SLC30A8: variants seen among roughly 807,000 people sequenced by gnomAD.
The protein encoded by SLC30A8 is proton-coupled zinc antiporter SLC30A8.
Under a neutral mutation model 36.9 loss-of-function variants are expected in SLC30A8, and 27 were observed. The ratio of observed to expected loss-of-function variants is 0.73; its 90% CI spans 0.54 to 1.01. SLC30A8 has a LOEUF of 1.01. Among genes scored for constraint, SLC30A8 ranks in the 50% least tolerant of loss-of-function variants. SLC30A8 has a pLI of 0.00. For synonymous variants in SLC30A8, 164 were observed against 172.4 expected, an observed-to-expected ratio of 0.95 and a Z score of 0.38; for missense variants, 439 against 452.0, an observed-to-expected ratio of 0.97 and a Z score of 0.26.
intron 2 of SLC30A8, among the ~76,000 whole-genome samples, chr8:117,111,925 GA>G: frequency 6.6e-6 from 1 of 152,094 alleles, no homozygotes; most frequent in Middle Eastern, 3.4e-3. Context: ...TTAATATCTG[GA>G]AATGTCTAGA....
At chr8:117,050,014 A>G (rs919135322) in intron 2 of SLC30A8, among the ~76,000 whole-genome samples, 6 of 152,144 alleles carry the variant, frequency 3.9e-5, no homozygotes, top group Non-Finnish European at 5.9e-5. Context: ...GTATTTCTGT[A>G]CTGAAAAAGA....
At chr8:117,159,348 G>T (rs1302466713) in intron 4 of SLC30A8, among the ~76,000 whole-genome samples, 6 of 152,172 alleles carry the variant, frequency 3.9e-5, no homozygotes, top group African/African-American at 1.2e-4. Context: ...ATCGAAAAAT[G>T]AAGTTTTAAA....
intron 2 of SLC30A8, among the ~76,000 whole-genome samples, chr8:117,058,526 C>T (rs1470458187): frequency 6.6e-6 from 1 of 152,130 alleles, no homozygotes; most frequent in African/African-American, 2.4e-5. Context: ...CCAAAAACTT[C>T]ACCTTCTAAT....
At chr8:117,051,110 G>T (rs1421753649) in intron 2 of SLC30A8, among the ~76,000 whole-genome samples, 1 of 152,166 alleles carries the variant, frequency 6.6e-6, no homozygotes, top group African/African-American at 2.4e-5. Context: ...GAGACAGAAA[G>T]AGAAAAAGTG....
chr8:117,161,821 T>A lies in SLC30A8; in HGVS notation c.656T>A (p.Val219Glu), dbSNP rs771330275. ...QANASVRAAF[V>E]HALGDLFQSI... ...AATGCCAGCGTCAGAGCTGCTTTTG[T>A]GCATGCCCTTGGAGATCTATTTCAG... The change falls in exon 5 of 8, where the codon GTG becomes GAG. Residue 219 changes from valine (V) to glutamate (E), a missense_variant. Val to Glu is a moderately radical substitution (Grantham distance 121). Transcript: ENST00000456015. 4.6e-5 allele frequency: 75 copies of A among 1,613,892 alleles called. No individual in the cohort carries two copies. Among genetic ancestry groups the A allele is most frequent in the Non-Finnish European group, 6.2e-5 (73 of 1,179,916 alleles).
At chr8:117,163,674 C>A (rs1822906903) in intron 6 of SLC30A8, 144 bp downstream of exon 6, 1 of 626,980 alleles carries the variant, frequency 1.6e-6, no homozygotes, top group Non-Finnish European at 2.6e-6. Context: ...TGAAAACAAT[C>A]ATTTGATTTT....
intron 1 of SLC30A8, among the ~76,000 whole-genome samples, chr8:116,982,911 G>A (rs181409783): frequency 6.6e-6 from 1 of 152,246 alleles, no homozygotes; most frequent in East Asian, 1.9e-4. Context: ...GTGTGCATGT[G>A]CTGAATTTGT....
intron 7 of SLC30A8, among the ~76,000 whole-genome samples, chr8:117,172,282 A>G (rs1263623392): frequency 6.6e-6 from 1 of 152,088 alleles, no homozygotes; most frequent in African/African-American, 2.4e-5. Context: ...GTAAGCTCCT[A>G]GGAATGCCAG....
chr8:117,125,440 T>G (rs114800253), intron 2 of SLC30A8, among the ~76,000 whole-genome samples: 2 of 152,016 alleles, frequency 1.3e-5, no homozygotes, highest in African/African-American at 2.4e-5. Context: ...TAGGACTGTC[T>G]TTTTAGCTCA....
intron 2 of SLC30A8, among the ~76,000 whole-genome samples, chr8:117,097,314 G>A (rs1460082405): frequency 1.4e-5 from 2 of 141,564 alleles, no homozygotes; most frequent in Admixed American, 1.5e-4. Flanking sequence ...AAGGAGAATG[G>A]CGTTTACCGG....
chr8:117,147,736 T>G (rs1242339072), intron 2 of SLC30A8: 2 of 152,746 alleles, frequency 1.3e-5, no homozygotes, highest in African/African-American at 4.8e-5. Context: ...AGCTAAACAA[T>G]TCGTCTCTAC....
intron 2 of SLC30A8, among the ~76,000 whole-genome samples, chr8:117,150,117 A>G (rs893520096): frequency 1.3e-5 from 2 of 152,240 alleles, no homozygotes; most frequent in African/African-American, 4.8e-5. Context: ...GTTGAATGAA[A>G]TGATGTTATT....
At chr8:117,113,598 A>G (rs112664343) in intron 2 of SLC30A8, among the ~76,000 whole-genome samples, 354 of 152,266 alleles carry the variant, frequency 2.3e-3, no homozygotes, top group African/African-American at 8.2e-3. Context: ...TTGTGATTCT[A>G]TGTTAGGGCA....
chr8:117,027,103 C>G (rs1054855331), intron 1 of SLC30A8, among the ~76,000 whole-genome samples: 4 of 152,132 alleles, frequency 2.6e-5, no homozygotes, highest in African/African-American at 9.7e-5. Flanking sequence ...CTAGGTCTTG[C>G]AGGAGGTATA....
intron 1 of SLC30A8, among the ~76,000 whole-genome samples, chr8:117,038,757 A>G (rs1817294516): frequency 6.6e-6 from 1 of 152,226 alleles, no homozygotes; most frequent in Non-Finnish European, 1.5e-5. Flanking sequence ...GATGCTCCAC[A>G]CTTTGGCCAA....
chr8:117,108,169 T>C (rs533302473), intron 2 of SLC30A8, among the ~76,000 whole-genome samples: 1 of 152,312 alleles, frequency 6.6e-6, no homozygotes, highest in Admixed American at 6.5e-5. Flanking sequence ...GCAAGATAAA[T>C]ACAATATCAG....
intron 2 of SLC30A8, among the ~76,000 whole-genome samples, chr8:117,101,991 G>A (rs537267258): frequency 5.3e-5 from 8 of 152,130 alleles, no homozygotes; most frequent in African/African-American, 1.9e-4. Context: ...TAATACATAT[G>A]GTATCTGAGA....
chr8:117,123,232 A>G (rs1820758236), intron 2 of SLC30A8, among the ~76,000 whole-genome samples: 1 of 151,944 alleles, frequency 6.6e-6, no homozygotes, highest in Admixed American at 6.6e-5. Context: ...GGATGTGTCT[A>G]CATTTAAACC....
intron 2 of SLC30A8, among the ~76,000 whole-genome samples, chr8:117,047,235 A>G (rs1199055773): frequency 6.6e-6 from 1 of 152,178 alleles, no homozygotes; most frequent in Non-Finnish European, 1.5e-5. Context: ...GTATTCTCTT[A>G]TATAATCCTC....
Sources: allele counts gnomAD v4.1 joint callset (sites outside exome capture counted in the v4.1 genomes callset), GRCh38; gene constraint gnomAD v4.1.1; transcripts MANE v1.5; gene names NCBI Gene and HGNC (gene_info 2026-07-23, HGNC 2026-07-21).